MAP2K5: variants seen among roughly 807,000 people sequenced by gnomAD.
MAP2K5 encodes the protein dual specificity mitogen-activated protein kinase kinase 5.
In MAP2K5, 49 loss-of-function variants were observed where a neutral mutation model predicts 83.1. That is an observed-to-expected ratio of 0.59 (90% confidence interval 0.47 to 0.75). The LOEUF (loss-of-function observed/expected upper bound fraction) is 0.75. Ranked by LOEUF, MAP2K5 falls within the 30% of genes least tolerant of loss-of-function variation. The pLI is 0.00. For missense variants in MAP2K5, 457 were observed against 557.5 expected (o/e 0.82, Z 1.82); for synonymous variants, 202 against 191.8 (o/e 1.05, Z -0.44).
intron 8 of MAP2K5, chr15:67,627,817 A>T: frequency 4.7e-6 from 2 of 421,288 alleles, no homozygotes; most frequent in Non-Finnish European, 8.8e-6. Flanking sequence ...GCCACAGAGG[A>T]AACATCATTA....
At position 67,574,228 on chromosome 15, in the gene MAP2K5, G is replaced by T. The variant is rs1034074856; in HGVS notation, c.253-6526G>T. Among the ~76,000 whole-genome samples, 4 of 152,140 alleles carry T rather than the reference G, an allele frequency of 2.6e-5. No individual in the cohort carries two copies. In the East Asian group the frequency reaches 7.7e-4, roughly 29 times the overall value. On this transcript the variant is annotated intron_variant, in intron 3 of 21. Transcript: ENST00000178640. ...TTGTGAAAGACAATGGTGGTCACTG[G>T]ACTGGTGAGAAGTTAACAGATTTGA...
chr15:67,571,753 T>A (rs1213710226), intron 3 of MAP2K5, among the ~76,000 whole-genome samples: 1 of 152,190 alleles, frequency 6.6e-6, no homozygotes, highest in African/African-American at 2.4e-5. Context: ...GTGCCTTTCT[T>A]GAGGTCACAC....
intron 8 of MAP2K5, among the ~76,000 whole-genome samples, chr15:67,611,337 C>T (rs765804907): frequency 1.3e-5 from 2 of 152,062 alleles, no homozygotes; most frequent in Non-Finnish European, 2.9e-5. Flanking sequence ...TTTGTGTACA[C>T]CATTTGTTTC....
chr15:67,796,416 A>C (rs992021837), intron 21 of MAP2K5, among the ~76,000 whole-genome samples: 1 of 152,198 alleles, frequency 6.6e-6, no homozygotes, highest in African/African-American at 2.4e-5. Context: ...GGAAGTTTAA[A>C]ATCATGGCAG....
intron 8 of MAP2K5, chr15:67,629,070 T>G (rs1196110043): frequency 4.1e-6 from 3 of 740,364 alleles, no homozygotes. Context: ...TGCCAAACCA[T>G]GAAACCAAGG....
intron 16 of MAP2K5, among the ~76,000 whole-genome samples, chr15:67,721,592 C>T (rs1566942030): frequency 6.6e-6 from 1 of 152,116 alleles, no homozygotes; most frequent in Non-Finnish European, 1.5e-5. Flanking sequence ...TTTGTAGAGC[C>T]CAGTGTTCCT....
In MAP2K5 at chr15:67,652,808, C is replaced by A. The variant is rs2086983468; in HGVS notation, c.737-5745C>A. 6.6e-6 allele frequency among the ~76,000 whole-genome samples: 1 copy of A among 152,192 alleles called. No homozygotes were observed. The highest frequency in any genetic ancestry group is 2.1e-4 in the South Asian group (1 of 4,828). ...AGAACTCCTCATTCACCCCCGCTCC[C>A]AGCCCCTGGCAAACAGCATTATACT... On this transcript the variant is annotated intron_variant, in intron 11 of 21. Coordinates refer to ENST00000178640, the MANE Select transcript of MAP2K5 (RefSeq NM_145160.3). The surrounding 1 kb of genome is among the most constrained non-coding windows in gnomAD (Gnocchi z 4.2).
intron 13 of MAP2K5, among the ~76,000 whole-genome samples, chr15:67,691,842 G>A (rs1163129372): frequency 1.3e-5 from 2 of 152,220 alleles, no homozygotes; most frequent in Non-Finnish European, 2.9e-5. Flanking sequence ...TGTAAGGGAA[G>A]AGAAGGATAA....
At chr15:67,627,556 GT>G (rs1347305784) in intron 8 of MAP2K5, among the ~76,000 whole-genome samples, 2 of 152,104 alleles carry the variant, frequency 1.3e-5, no homozygotes, top group African/African-American at 4.8e-5. Flanking sequence ...CTTTATATAT[GT>G]AGTTTCCTAG....
chr15:67,788,548 A>T (rs4776970), intron 21 of MAP2K5, among the ~76,000 whole-genome samples: 67,904 of 152,150 alleles, frequency 0.45, 16,149 homozygotes, highest in East Asian at 0.76. Flanking sequence ...ATTTACTGTT[A>T]CTGTTTTTGT....
rs563975726 is a variant in MAP2K5, at chr15:67,802,724, G to T, written c.1243-3922G>T. ...ATGCCTGGGGCGGTCACCGTGGGTG[G>T]AAGATGCTCTTGACAAGCATCTGTA... is the stretch of plus-strand genomic sequence containing the variant. On this transcript the variant is annotated intron_variant, in intron 21 of 21. Transcript: ENST00000178640. This position sits in a 1 kb window ranked among gnomAD's most constrained non-coding sequence, Gnocchi z 5.0. Among the ~76,000 whole-genome samples, 134 of 152,370 alleles carry T rather than the reference G, an allele frequency of 8.8e-4. 2 individuals are homozygous for T. The highest frequency in any genetic ancestry group is 3.2e-3 in the African/African-American group (131 of 41,586).
chr15:67,675,266 T>A (rs2087649685), intron 13 of MAP2K5, among the ~76,000 whole-genome samples: 1 of 152,156 alleles, frequency 6.6e-6, no homozygotes, highest in Non-Finnish European at 1.5e-5. Flanking sequence ...TGCTCAGCAA[T>A]AGAAAGGAGC....
At chr15:67,610,241 G>A (rs1358517904) in intron 8 of MAP2K5, among the ~76,000 whole-genome samples, 1 of 152,092 alleles carries the variant, frequency 6.6e-6, no homozygotes, top group Non-Finnish European at 1.5e-5. Flanking sequence ...AATTTTAGAG[G>A]CTTTTTAGTA....
At chr15:67,566,244 G>A (rs1414236837) in intron 3 of MAP2K5, among the ~76,000 whole-genome samples, 1 of 151,800 alleles carries the variant, frequency 6.6e-6, no homozygotes, top group Non-Finnish European at 1.5e-5. Flanking sequence ...GCCTGATCTC[G>A]GCTCACTGCA....
chr15:67,752,725 G>A (rs920530875), intron 19 of MAP2K5, among the ~76,000 whole-genome samples: 2 of 151,568 alleles, frequency 1.3e-5, no homozygotes, highest in African/African-American at 4.8e-5. Context: ...GACATTTTGT[G>A]TTCATGAAGT....
chr15:67,549,948 A>G (rs764373922), intron 1 of MAP2K5, 86 bp from the exon 2 acceptor site: 72 of 961,834 alleles, frequency 7.5e-5, no homozygotes, highest in Non-Finnish European at 1.2e-4. Context: ...AATCTTTCCC[A>G]GGTTCTCATA....
At chr15:67,647,744 C>T (rs193265999) in intron 11 of MAP2K5, among the ~76,000 whole-genome samples, 185 of 152,188 alleles carry the variant, frequency 1.2e-3, no homozygotes, top group Non-Finnish European at 1.6e-3. Flanking sequence ...GTAGCGCATA[C>T]CTGTAGTCTC....
rs1302931916 is a variant in MAP2K5, at chr15:67,780,826, G to A, written c.1242+8074G>A. ...CGTTCAGAACCAACACCAGGGTTTA[G>A]CCATCCCACCCTGGATGTATGGACA... On this transcript the variant is annotated intron_variant, in intron 21 of 21. Transcript: ENST00000178640. The surrounding 1 kb of genome is among the most constrained non-coding windows in gnomAD (Gnocchi z 5.0). 6.6e-6 allele frequency among the ~76,000 whole-genome samples: 1 copy of A among 152,170 alleles called. No homozygotes were observed. The highest frequency in any genetic ancestry group is 1.5e-5 in the Non-Finnish European group (1 of 68,028).
intron 19 of MAP2K5, among the ~76,000 whole-genome samples, chr15:67,763,089 C>T (rs1201710866): frequency 1.3e-5 from 2 of 152,056 alleles, no homozygotes; most frequent in Admixed American, 1.3e-4. Flanking sequence ...GAGTAAAAGG[C>T]GGGCTTTCTG....
Sources: gnomAD v4.1 joint callset for allele counts (sites outside exome capture counted in the v4.1 genomes callset) on GRCh38, gnomAD v4.1.1 for gene constraint, Gnocchi (gnomAD v3.1) non-coding constraint, MANE v1.5 for transcripts, NCBI Gene and HGNC (gene_info 2026-07-23, HGNC 2026-07-21) for gene names.